The following VPS13D variants were observed in gnomAD, a reference collection of about 807,000 sequenced individuals.
The protein encoded by VPS13D is intermembrane lipid transfer protein VPS13D.
VPS13D carries 187 observed loss-of-function variants against 461.9 expected under a neutral mutation model. The ratio of observed to expected loss-of-function variants is 0.40; its 90% CI spans 0.36 to 0.46. The LOEUF is 0.46. VPS13D is among the 20% of genes least tolerant of loss of function. The pLI is 0.60. For synonymous variants in VPS13D, 1,951 were observed against 1,986.3 expected (o/e 0.98, Z 0.47); for missense variants, 4,711 against 5,364.9 (o/e 0.88, Z 3.81).
intron 16 of VPS13D, among the ~76,000 whole-genome samples, chr1:12,270,622 C>G (rs1194130118): frequency 6.6e-6 from 1 of 152,118 alleles, no homozygotes; most frequent in African/African-American, 2.4e-5. Context: ...GCCTCCTCTC[C>G]CCCCATGGCT....
intron 15 of VPS13D, 67 bp from the exon 16 acceptor site, chr1:12,268,639 A>G: frequency 2.7e-6 from 4 of 1,502,076 alleles, no homozygotes; most frequent in South Asian, 1.3e-5. Flanking sequence ...AGAATCCCTC[A>G]CAGGTCTGTT....
intron 67 of VPS13D, among the ~76,000 whole-genome samples, chr1:12,479,349 G>A (rs1009773394): frequency 6.6e-6 from 1 of 152,200 alleles, no homozygotes; most frequent in Non-Finnish European, 1.5e-5. Context: ...TGTCCATGGT[G>A]TCCAGGAAGA....
intron 67 of VPS13D, among the ~76,000 whole-genome samples, chr1:12,491,391 C>T (rs923373376): frequency 1.3e-5 from 2 of 152,226 alleles, no homozygotes; most frequent in African/African-American, 4.8e-5. Context: ...TATGTGTGCA[C>T]AGCATCTGTC....
chr1:12,260,624 G>C (rs1248917221), intron 10 of VPS13D, 69 bp from the exon 11 acceptor site: 3 of 1,298,026 alleles, frequency 2.3e-6, no homozygotes, highest in African/African-American at 2.9e-5. Flanking sequence ...GGCTTGTGAG[G>C]GTGTCCAGTG....
At chr1:12,298,804 T>TGGAAGC (rs1642345073) in intron 24 of VPS13D, among the ~76,000 whole-genome samples, 1 of 152,214 alleles carries the variant, frequency 6.6e-6, no homozygotes, top group Non-Finnish European at 1.5e-5. Flanking sequence ...TTCCAGCTTC[T>TGGAAGC]TAAGGTGGAA....
intron 68 of VPS13D, among the ~76,000 whole-genome samples, chr1:12,498,396 A>G (rs1335960192): frequency 6.6e-6 from 1 of 152,196 alleles, no homozygotes; most frequent in Non-Finnish European, 1.5e-5. Context: ...TGTCTGAAAT[A>G]GACGTCAACT....
chr1:12,364,776 T>G (rs1387781674), intron 52 of VPS13D, among the ~76,000 whole-genome samples: 1 of 152,222 alleles, frequency 6.6e-6, no homozygotes, highest in Non-Finnish European at 1.5e-5. Context: ...TTTCATGTGC[T>G]TTTTGGCCAT....
intron 63 of VPS13D, among the ~76,000 whole-genome samples, chr1:12,406,867 G>C (rs1644663261): frequency 6.6e-6 from 1 of 152,150 alleles, no homozygotes; most frequent in Non-Finnish European, 1.5e-5. Flanking sequence ...TAGAGCATTG[G>C]GGTATTACAA....
At chr1:12,325,080 C>CT (rs916858935) in intron 35 of VPS13D, among the ~76,000 whole-genome samples, 12 of 151,948 alleles carry the variant, frequency 7.9e-5, no homozygotes, top group African/African-American at 2.4e-4. Flanking sequence ...TTCCTTCCAT[C>CT]TTTTTTTTCC....
At position 12,277,407 on chromosome 1, in the gene VPS13D, G is replaced by C. The variant is rs35287598; in HGVS notation, c.3819G>C (p.Thr1273=). The C allele has an allele frequency of 1.9e-6, 3 of 1,614,056 alleles. No individual in the cohort carries two copies. The African/African-American group carries it at 4.0e-5, about 22-fold the overall frequency. The change falls in exon 19 of 70, where the codon ACG becomes ACC. Residue 1273 remains threonine (T), a synonymous_variant. Transcript: ENST00000620676. ...CCCTCACTGAAGCTTTGAGTTTCAC[G>C]TTTGTTGAGAGATCTAAACAGGAGT... ...DAALTEALSF[T]FVERSKQECF...
intron 55 of VPS13D, among the ~76,000 whole-genome samples, chr1:12,377,208 C>T (rs1031447746): frequency 1.7e-4 from 26 of 151,584 alleles, no homozygotes; most frequent in African/African-American, 5.6e-4. Flanking sequence ...TACAGGCATG[C>T]GCCACCACGC....
chr1:12,283,393 C>T lies in VPS13D; in HGVS notation c.5291C>T (p.Pro1764Leu), dbSNP rs779205749. Residue 1764 changes from proline (P) to leucine (L), a missense_variant, in exon 21 of 70, where the codon CCT becomes CTT. By Grantham distance (98) the Pro-to-Leu change is moderately conservative (BLOSUM62 -3). Transcript: ENST00000620676. ...QDKDYPLTPP[P>L]SPTVDEPKIL... is the part of the protein sequence containing the mutation. ...AAGGACTATCCCTTGACCCCACCTC[C>T]TTCTCCAACAGTGGATGAGCCCAAG... 3.1e-6 allele frequency: 5 copies of T among 1,614,222 alleles called. No homozygotes were observed. The highest frequency in any genetic ancestry group is 4.2e-6 in the Non-Finnish European group (5 of 1,180,036).
intron 46 of VPS13D, among the ~76,000 whole-genome samples, chr1:12,351,311 G>A (rs1413835141): frequency 6.6e-6 from 1 of 152,020 alleles, no homozygotes; most frequent in Non-Finnish European, 1.5e-5. Flanking sequence ...TTTTTTTGAG[G>A]TGGAGTTTTG....
At chr1:12,261,247 T>C in intron 12 of VPS13D, 98 bp downstream of exon 12, 1 of 1,417,616 alleles carries the variant, frequency 7.1e-7, no homozygotes, top group Non-Finnish European at 9.8e-7. Context: ...AGTAGATATT[T>C]GGAGAACAGT....
In VPS13D at chr1:12,362,840, C is replaced by T; in HGVS notation, c.10262C>T (p.Ala3421Val). ...CTTGCATTTGCACAGAGGGAATTTG[C>T]CAGGGGACAGGTGAGCAGTTTGCTT... Reference protein sequence around the residue: ...HKLAFAQREFARGQGTANPEG... With the variant: ...HKLAFAQREFVRGQGTANPEG... Residue 3421 changes from alanine (A) to valine (V), a missense_variant, in exon 51 of 70, where the codon GCC becomes GTC. Physicochemically the swap from Ala to Val is moderately conservative, Grantham distance 64 (BLOSUM62 0). Around this residue, in one of 3 missense-constraint regions of VPS13D, gnomAD observed 4,411 missense variants for 4,937.8 expected, o/e 0.89. Coordinates refer to ENST00000620676, the MANE Select transcript of VPS13D (RefSeq NM_015378.4). The T allele has an allele frequency of 6.2e-7, 1 of 1,614,002 alleles. No individual in the cohort carries two copies. Among genetic ancestry groups the T allele is most frequent in the Non-Finnish European group, 8.5e-7 (1 of 1,179,988 alleles).
intron 40 of VPS13D, among the ~76,000 whole-genome samples, chr1:12,340,696 C>G (rs1399076109): frequency 6.6e-6 from 1 of 152,236 alleles, no homozygotes; most frequent in African/African-American, 2.4e-5. Context: ...AGCTGCAGAG[C>G]ATGTGGGTCA....
intron 63 of VPS13D, among the ~76,000 whole-genome samples, chr1:12,404,509 A>G (rs1644624428): frequency 6.6e-6 from 1 of 152,194 alleles, no homozygotes; most frequent in Non-Finnish European, 1.5e-5. Context: ...CTACCACCAC[A>G]TCAGGATGAA....
intron 25 of VPS13D, among the ~76,000 whole-genome samples, chr1:12,301,350 A>T (rs957440310): frequency 1.3e-5 from 2 of 152,226 alleles, no homozygotes; most frequent in South Asian, 2.1e-4. Context: ...TGTCTGACAG[A>T]CTAGCTATAA....
In VPS13D at chr1:12,321,847, T is replaced by C; in HGVS notation, c.7587T>C (p.Ala2529=). The change falls in exon 33 of 70, where the codon GCT becomes GCC. Residue 2529 remains alanine, a synonymous_variant. Transcript: ENST00000620676. ...SCRLGNEHDT[A]LSIVDPVQIQ... ...GACTAGGGAATGAGCATGATACAGC[T>C]CTTTCAATTGTGGATCCCGTACAAA... 6.2e-7 allele frequency: 1 copy of C among 1,612,398 alleles called. No homozygotes were observed. The highest frequency in any genetic ancestry group is 2.2e-5 in the East Asian group (1 of 44,768).
Sources: allele counts gnomAD v4.1 joint callset (sites outside exome capture counted in the v4.1 genomes callset), GRCh38; gene constraint gnomAD v4.1.1; regional missense constraint gnomAD v4.1.1; transcripts MANE v1.5; gene names NCBI Gene and HGNC (gene_info 2026-07-23, HGNC 2026-07-21).